Variants in MYO5A observed in about 807,000 individuals in gnomAD.
MYO5A encodes unconventional myosin-Va.
A neutral mutation model predicts 249.7 loss-of-function variants in MYO5A; 98 were observed. That is an observed-to-expected ratio of 0.39 (90% CI 0.33 to 0.46). The LOEUF is 0.46. Among genes scored for constraint, MYO5A ranks in the 20% least tolerant of loss-of-function variants. MYO5A has a pLI of 0.98. For synonymous variants in MYO5A, 778 were observed against 810.6 expected (o/e 0.96, Z 0.68); for missense variants, 1,696 against 2,308.8 (o/e 0.73, Z 5.44).
chr15:52,482,238 G>C (rs769453921), intron 1 of MYO5A, among the ~76,000 whole-genome samples: 4 of 152,020 alleles, frequency 2.6e-5, no homozygotes, highest in Non-Finnish European at 4.4e-5. Context: ...TCTTTTTTTC[G>C]TTTAACATAA....
intron 1 of MYO5A, among the ~76,000 whole-genome samples, chr15:52,473,226 G>C (rs922374928): frequency 1.3e-5 from 2 of 152,138 alleles, no homozygotes; most frequent in Non-Finnish European, 2.9e-5. Context: ...CCTTCGCCCA[G>C]TTTTTGATGG....
chr15:52,426,439 C>T (rs2075396224), intron 3 of MYO5A, among the ~76,000 whole-genome samples: 2 of 151,400 alleles, frequency 1.3e-5, no homozygotes, highest in African/African-American at 4.9e-5. Context: ...ATATGATAGA[C>T]TACTAAGCCA....
At chr15:52,327,641 C>T (rs1216067103) in intron 36 of MYO5A, among the ~76,000 whole-genome samples, 1 of 152,174 alleles carries the variant, frequency 6.6e-6, no homozygotes, top group Non-Finnish European at 1.5e-5. Flanking sequence ...TGGGATTGCA[C>T]TGGGGCTGCA....
Position 52,416,225 on chromosome 15 carries a change from G to T in MYO5A, c.532C>A (p.Arg178=). The change falls in exon 5 of 42, where the codon CGA becomes AGA. Residue 178 remains arginine (R), a synonymous_variant. Transcript: ENST00000399233. ...GAACCACTCACAGTTGCAAAGTATC[G>T]CATGGCATACTTAGCTGAGACTGTT... is the stretch of plus-strand genomic sequence containing the variant. The part of the protein sequence containing the change: ...GKTVSAKYAM[R]YFATVSGSAS... 1 of 1,613,870 alleles carries T rather than the reference G, an allele frequency of 6.2e-7. No homozygotes were observed. The highest frequency in any genetic ancestry group is 8.5e-7 in the Non-Finnish European group (1 of 1,179,836).
chr15:52,503,340 G>A (rs1242930275), intron 1 of MYO5A, among the ~76,000 whole-genome samples: 3 of 151,994 alleles, frequency 2.0e-5, no homozygotes, highest in Non-Finnish European at 2.9e-5. Context: ...AATAAATTTA[G>A]GCTGGGCATG....
chr15:52,386,554 C>CT (rs34368283), intron 14 of MYO5A, among the ~76,000 whole-genome samples: 8,181 of 145,602 alleles, frequency 0.056, 261 homozygotes, highest in South Asian at 0.097. Context: ...CACTTTAACT[C>CT]TTTTTTTTTT....
intron 4 of MYO5A, among the ~76,000 whole-genome samples, chr15:52,423,867 C>T (rs2075339483): frequency 1.3e-5 from 2 of 152,050 alleles, no homozygotes; most frequent in Admixed American, 1.3e-4. Flanking sequence ...AGGTAAAAAG[C>T]CATAAATATT....
chr15:52,376,580 T>A (rs2041426636), intron 18 of MYO5A, 22 bp from the exon 19 acceptor site: 6 of 1,589,880 alleles, frequency 3.8e-6, no homozygotes, highest in Non-Finnish European at 5.2e-6. Context: ...AGAAATTGTA[T>A]ATTCAGAAAT....
chr15:52,328,770 T>A (rs2038733195), intron 35 of MYO5A, among the ~76,000 whole-genome samples: 1 of 152,234 alleles, frequency 6.6e-6, no homozygotes, highest in Non-Finnish European at 1.5e-5. Flanking sequence ...GATCTGGCCC[T>A]ATTCCCCTTC....
intron 12 of MYO5A, among the ~76,000 whole-genome samples, chr15:52,391,323 C>T (rs1329323705): frequency 6.6e-6 from 1 of 152,168 alleles, no homozygotes; most frequent in East Asian, 1.9e-4. Context: ...CTTTTCATCA[C>T]ATGCATCCTC....
chr15:52,466,294 C>G (rs756427040), intron 1 of MYO5A, among the ~76,000 whole-genome samples: 2 of 152,142 alleles, frequency 1.3e-5, no homozygotes, highest in African/African-American at 4.8e-5. Context: ...GTGGGAGGGG[C>G]TCCCACAGCC....
At chr15:52,400,889 CTAT>C (rs2042722221) in intron 9 of MYO5A, among the ~76,000 whole-genome samples, 2 of 152,138 alleles carry the variant, frequency 1.3e-5, no homozygotes, top group Non-Finnish European at 2.9e-5. Context: ...GATCAATATA[CTAT>C]TATTATTCTA....
At chr15:52,524,310 T>C (rs572703854) in intron 1 of MYO5A, among the ~76,000 whole-genome samples, 35 of 152,196 alleles carry the variant, frequency 2.3e-4, no homozygotes, top group Non-Finnish European at 4.4e-4. Flanking sequence ...TCTCAACACT[T>C]TGAGTGGCCG....
intron 3 of MYO5A, among the ~76,000 whole-genome samples, chr15:52,426,671 C>T (rs949380797): frequency 6.6e-6 from 1 of 152,088 alleles, no homozygotes; most frequent in African/African-American, 2.4e-5. Context: ...TGCCATGTTG[C>T]CCAGGCTTGA....
Position 52,340,354 on chromosome 15 carries a change from C to T in MYO5A, c.4081G>A (p.Glu1361Lys). 6.2e-7 allele frequency: 1 copy of T among 1,613,788 alleles called. No individual in the cohort carries two copies. The highest frequency in any genetic ancestry group is 8.5e-7 in the Non-Finnish European group (1 of 1,180,036). Residue 1361 changes from glutamate (E) to lysine (K), a missense_variant, in exon 32 of 42, where the codon GAG becomes AAG. By Grantham distance (56) the Glu-to-Lys change is moderately conservative. Transcript: ENST00000399233. ...SQLQSQKRSH[E>K]NEAEALRGEI... ...CCACGGAGGGCCTCGGCCTCATTCT[C>T]ATGGCTCCTCTTCTGTGACTGCAGC...
intron 9 of MYO5A, among the ~76,000 whole-genome samples, chr15:52,402,286 C>T (rs1250056732): frequency 6.6e-6 from 1 of 152,140 alleles, no homozygotes; most frequent in African/African-American, 2.4e-5. Flanking sequence ...AGTTTTCTGC[C>T]TCTACTTGGC....
chr15:52,388,290 T>C lies in MYO5A; in HGVS notation c.1669-378A>G, dbSNP rs111696626. ...AGTTGTGTTTCCTCTTAGAAGAGAT[T>C]ACAGCAGGAGTGAGAATCAGAAGGA... On this transcript the variant is annotated intron_variant, in intron 13 of 41. Coordinates refer to ENST00000399233, the MANE Select transcript of MYO5A (RefSeq NM_001382347.1). 6.1e-3 allele frequency among the ~76,000 whole-genome samples: 935 copies of C among 152,290 alleles called. 11 individuals carry two copies. The highest frequency in any genetic ancestry group is 0.022 in the African/African-American group (894 of 41,558).
chr15:52,446,949 A>G (rs148925804), intron 1 of MYO5A, among the ~76,000 whole-genome samples: 46 of 152,290 alleles, frequency 3.0e-4, no homozygotes, highest in African/African-American at 1.1e-3. Context: ...TTATGGGCTC[A>G]GAGGTGGAAG....
intron 2 of MYO5A, among the ~76,000 whole-genome samples, chr15:52,431,684 TA>T (rs56264450): frequency 0.78 from 109,453 of 140,518 alleles, 42,497 homozygotes; most frequent in South Asian, 0.82. Context: ...GTGCTATATC[TA>T]AAAAAAAAAA....
Sources: gnomAD v4.1 joint callset for allele counts (sites outside exome capture counted in the v4.1 genomes callset) on GRCh38, gnomAD v4.1.1 for gene constraint, MANE v1.5 for transcripts, NCBI Gene and HGNC (gene_info 2026-07-23, HGNC 2026-07-21) for gene names.